The following BCAS3 variants were observed in gnomAD, a reference collection of about 807,000 sequenced individuals.
BCAS3 encodes the protein BCAS4/BCAS3 fusion.
A neutral mutation model predicts 116.1 loss-of-function variants in BCAS3; 53 were observed. That is an observed-to-expected ratio of 0.46 (90% CI 0.37 to 0.57). BCAS3 has a LOEUF of 0.57. BCAS3 is among the 20% of genes least tolerant of loss of function. The pLI is 0.00. For missense variants in BCAS3, 917 were observed against 1,165.4 expected (o/e 0.79, Z 3.10); for synonymous variants, 391 against 408.2 (o/e 0.96, Z 0.51).
chr17:61,204,850 G>A lies in BCAS3; in HGVS notation c.2425+120286G>A, dbSNP rs1390731621. ...GCAGATCAGTTGAGGCCAGGAGTTC[G>A]AGACCAGCCTGGGCAACAGGGCAAA... On this transcript the variant is annotated intron_variant, in intron 22 of 23. Coordinates refer to ENST00000407086, the MANE Select transcript of BCAS3 (RefSeq NM_017679.5). This position sits in a 1 kb window ranked among gnomAD's most constrained non-coding sequence, Gnocchi z 4.2. Among the ~76,000 whole-genome samples the A allele has an allele frequency of 6.6e-6, 1 of 152,082 alleles. No homozygotes were observed. Among genetic ancestry groups the A allele is most frequent in the Admixed American group, 6.6e-5 (1 of 15,254 alleles).
intron 15 of BCAS3, among the ~76,000 whole-genome samples, chr17:61,009,351 A>G (rs2064950201): frequency 6.6e-6 from 1 of 152,068 alleles, no homozygotes; most frequent in South Asian, 2.1e-4. Flanking sequence ...CAAATGTTTC[A>G]CTTGACCCAC....
At chr17:61,052,116 T>G (rs2068913939) in intron 19 of BCAS3, among the ~76,000 whole-genome samples, 1 of 152,038 alleles carries the variant, frequency 6.6e-6, no homozygotes, top group Admixed American at 6.6e-5. Context: ...TTTATACAAT[T>G]ATGTCTTCAA....
chr17:60,991,154 A>T (rs1053554277), intron 15 of BCAS3, among the ~76,000 whole-genome samples: 18 of 152,140 alleles, frequency 1.2e-4, no homozygotes, highest in African/African-American at 4.3e-4. Context: ...TTCTACTCCT[A>T]AGCAAGTGTC....
chr17:61,107,722 G>A (rs996826805), intron 22 of BCAS3, among the ~76,000 whole-genome samples: 1 of 152,150 alleles, frequency 6.6e-6, no homozygotes, highest in Admixed American at 6.5e-5. Context: ...AGTATTGCAT[G>A]GTATGGATGT....
In BCAS3 at chr17:61,017,407, C is replaced by T. The variant is rs1380007946; in HGVS notation, c.1637+1506C>T. On this transcript the variant is annotated intron_variant, in intron 16 of 23. Transcript: ENST00000407086. The surrounding 1 kb of genome is among the most constrained non-coding windows in gnomAD (Gnocchi z 4.7). ...CAGCATTGTACAATTCTCCAAAGTA[C>T]TTACAAATTTTAGCCTGTCTTTTCT... Among the ~76,000 whole-genome samples the T allele has an allele frequency of 6.6e-6, 1 of 152,088 alleles. No individual in the cohort carries two copies. Among genetic ancestry groups the T allele is most frequent in the East Asian group, 1.9e-4 (1 of 5,194 alleles).
intron 16 of BCAS3, among the ~76,000 whole-genome samples, chr17:61,030,155 G>A (rs971041371): frequency 6.6e-6 from 1 of 151,948 alleles, no homozygotes; most frequent in African/African-American, 2.4e-5. Context: ...TCAATATTGG[G>A]TCTTACATTT....
chr17:61,111,404 G>A (rs1752664065), intron 22 of BCAS3, among the ~76,000 whole-genome samples: 1 of 149,988 alleles, frequency 6.7e-6, no homozygotes, highest in Non-Finnish European at 1.5e-5. Context: ...AGCTGATGGA[G>A]CTGAAAACCA....
intron 22 of BCAS3, among the ~76,000 whole-genome samples, chr17:61,212,370 TGA>T (rs2081511748): frequency 6.6e-6 from 1 of 152,088 alleles, no homozygotes; most frequent in African/African-American, 2.4e-5. Context: ...CCCAAAGCAC[TGA>T]GATAACTAGT....
At chr17:60,975,140 T>TACAGGCGCCCGC (rs1377823237) in intron 14 of BCAS3, among the ~76,000 whole-genome samples, 1 of 151,738 alleles carries the variant, frequency 6.6e-6, no homozygotes, top group Non-Finnish European at 1.5e-5. Context: ...TAGCTGGGAC[T>TACAGGCGCCCGC]ACAGGCGCCC....
At chr17:61,116,030 G>A (rs1438748599) in intron 22 of BCAS3, among the ~76,000 whole-genome samples, 1 of 143,832 alleles carries the variant, frequency 7.0e-6, no homozygotes, top group Non-Finnish European at 1.5e-5. Context: ...TCATAGGTGG[G>A]AATTGAACAA....
chr17:60,724,803 C>T (rs1392236504), intron 5 of BCAS3, among the ~76,000 whole-genome samples: 1 of 148,948 alleles, frequency 6.7e-6, no homozygotes, highest in Non-Finnish European at 1.5e-5. Context: ...AAAAAAACAG[C>T]TTTGTATATG....
intron 22 of BCAS3, among the ~76,000 whole-genome samples, chr17:61,237,488 T>G (rs1279180944): frequency 6.6e-6 from 1 of 152,224 alleles, no homozygotes; most frequent in South Asian, 2.1e-4. Flanking sequence ...CCTAGCAGGC[T>G]GTGGAAGCTG....
intron 21 of BCAS3, among the ~76,000 whole-genome samples, chr17:61,079,142 A>G (rs1255309434): frequency 6.6e-6 from 1 of 151,930 alleles, no homozygotes; most frequent in Non-Finnish European, 1.5e-5. Context: ...TTAATTTGTT[A>G]TACCAAGACT....
intron 22 of BCAS3, among the ~76,000 whole-genome samples, chr17:61,090,549 A>G (rs2073466675): frequency 6.6e-6 from 1 of 152,246 alleles, no homozygotes; most frequent in Admixed American, 6.5e-5. Context: ...ATCAAAAGTA[A>G]GTTTTAGAGA....
At chr17:60,709,464 A>G (rs2037588524) in intron 5 of BCAS3, 139 bp downstream of exon 5, 2 of 538,434 alleles carry the variant, frequency 3.7e-6, no homozygotes, top group East Asian at 3.8e-5. Flanking sequence ...ATCTCGGCTC[A>G]CTGCAACCTC....
chr17:61,295,344 A>G (rs1228579199), intron 22 of BCAS3, among the ~76,000 whole-genome samples: 2 of 152,220 alleles, frequency 1.3e-5, no homozygotes, highest in African/African-American at 4.8e-5. Flanking sequence ...GGCGTTGGTG[A>G]TGGAGACTTC....
intron 8 of BCAS3, among the ~76,000 whole-genome samples, chr17:60,869,478 G>A (rs1290423005): frequency 2.6e-5 from 4 of 152,108 alleles, no homozygotes; most frequent in African/African-American, 9.7e-5. Context: ...TTTAAGTGAA[G>A]CAAAAGACTC....
At chr17:60,852,199 T>C (rs1315820001) in intron 7 of BCAS3, among the ~76,000 whole-genome samples, 1 of 152,122 alleles carries the variant, frequency 6.6e-6, no homozygotes, top group African/African-American at 2.4e-5. Flanking sequence ...TAGTTACATA[T>C]GTATACATGT....
At chr17:61,147,988 G>GA (rs10635956) in intron 22 of BCAS3, among the ~76,000 whole-genome samples, 4 of 150,860 alleles carry the variant, frequency 2.7e-5, no homozygotes, top group African/African-American at 9.8e-5. Flanking sequence ...CTCTGTCTCA[G>GA]AAAAAAAAAG....
Sources: allele counts gnomAD v4.1 joint callset (sites outside exome capture counted in the v4.1 genomes callset), GRCh38; gene constraint gnomAD v4.1.1; non-coding constraint Gnocchi (gnomAD v3.1); transcripts MANE v1.5; gene names NCBI Gene and HGNC (gene_info 2026-07-23, HGNC 2026-07-21).